The following HPSE2 variants were observed in gnomAD, a reference collection of about 807,000 sequenced individuals.
HPSE2 encodes inactive heparanase-2.
HPSE2 carries 38 observed loss-of-function variants against 60.5 expected under a neutral mutation model. The ratio of observed to expected loss-of-function variants is 0.63; its 90% CI spans 0.48 to 0.82. The LOEUF is 0.82. Ranked by LOEUF, HPSE2 falls within the 40% of genes least tolerant of loss-of-function variation. The pLI, the probability that HPSE2 is intolerant of heterozygous loss-of-function variation, is 0.00. For missense variants in HPSE2, 713 were observed against 740.4 expected (o/e 0.96, Z 0.43); for synonymous variants, 295 against 293.2 (o/e 1.01, Z -0.06).
At chr10:99,186,152 AC>A (rs1354162240) in intron 2 of HPSE2, among the ~76,000 whole-genome samples, 2 of 150,064 alleles carry the variant, frequency 1.3e-5, no homozygotes, top group Non-Finnish European at 3.0e-5. Context: ...ACACACACAC[AC>A]AAGGCATATC....
chr10:98,718,376 C>T (rs1412648652), intron 5 of HPSE2, among the ~76,000 whole-genome samples: 1 of 152,168 alleles, frequency 6.6e-6, no homozygotes, highest in Non-Finnish European at 1.5e-5. Context: ...ACTGGAAAGA[C>T]AGTCCTGTTT....
chr10:99,266,742 C>G, the HPSE2 span, among the ~76,000 whole-genome samples: 2,701 of 152,290 alleles, frequency 0.018, 76 homozygotes, highest in African/African-American at 0.062. Context: ...CTGACAGAGT[C>G]CATTTTACTT....
chr10:99,193,977 T>A (rs987099891), intron 2 of HPSE2, among the ~76,000 whole-genome samples: 4 of 152,062 alleles, frequency 2.6e-5, no homozygotes, highest in African/African-American at 9.7e-5. Context: ...GGAGAATACA[T>A]ATTCTTATCC....
intron 3 of HPSE2, among the ~76,000 whole-genome samples, chr10:99,064,838 C>A (rs997148329): frequency 6.6e-6 from 1 of 151,528 alleles, no homozygotes; most frequent in Non-Finnish European, 1.5e-5. Context: ...AAAGTTGTTT[C>A]AAGCTTCCTA....
At chr10:98,536,403 G>C (rs1004006914) in intron 9 of HPSE2, among the ~76,000 whole-genome samples, 1 of 152,212 alleles carries the variant, frequency 6.6e-6, no homozygotes, top group Non-Finnish European at 1.5e-5. Context: ...GGAAACCATT[G>C]AGGTGATGCT....
At chr10:99,212,615 A>G (rs1172700785) in intron 2 of HPSE2, among the ~76,000 whole-genome samples, 1 of 152,158 alleles carries the variant, frequency 6.6e-6, no homozygotes, top group African/African-American at 2.4e-5. Flanking sequence ...AGAAGCAGAG[A>G]GTAAAATGGT....
intron 3 of HPSE2, among the ~76,000 whole-genome samples, chr10:98,911,374 A>C (rs1241843435): frequency 1.3e-5 from 2 of 152,240 alleles, no homozygotes; most frequent in Admixed American, 1.3e-4. Context: ...GTGTAATGGA[A>C]GTGCAGAGAT....
intron 3 of HPSE2, among the ~76,000 whole-genome samples, chr10:99,012,856 G>T (rs542938577): frequency 6.6e-6 from 1 of 152,232 alleles, no homozygotes; most frequent in Admixed American, 6.5e-5. Flanking sequence ...GTCCTGAGAG[G>T]ATTCATTATG....
chr10:98,888,246 T>C (rs1188419348), intron 3 of HPSE2, among the ~76,000 whole-genome samples: 1 of 151,966 alleles, frequency 6.6e-6, no homozygotes, highest in African/African-American at 2.4e-5. Context: ...TCTTGACATA[T>C]AGTTTCCATA....
chr10:98,683,548 G>A (rs1321182658), intron 6 of HPSE2, among the ~76,000 whole-genome samples: 3 of 151,698 alleles, frequency 2.0e-5, no homozygotes, highest in African/African-American at 7.3e-5. Context: ...GACATTTTGA[G>A]GAATAAAAAA....
chr10:99,005,236 A>T (rs1280697195), intron 3 of HPSE2, among the ~76,000 whole-genome samples: 2 of 141,410 alleles, frequency 1.4e-5, no homozygotes, highest in African/African-American at 5.3e-5. Flanking sequence ...TATTTCTTTC[A>T]GTAAGCTTTT....
chr10:99,258,243 T>G, the HPSE2 span, among the ~76,000 whole-genome samples: 4 of 152,152 alleles, frequency 2.6e-5, no homozygotes, highest in Non-Finnish European at 5.9e-5. Context: ...ATAAACAATG[T>G]CATTTATAAT....
chr10:98,645,846 G>A (rs956177650), intron 6 of HPSE2, among the ~76,000 whole-genome samples: 1 of 152,062 alleles, frequency 6.6e-6, no homozygotes, highest in Non-Finnish European at 1.5e-5. Context: ...GTGGTGGGGG[G>A]CGCCTGTAGT....
At chr10:98,945,820 T>C (rs1248034444) in intron 3 of HPSE2, among the ~76,000 whole-genome samples, 1 of 152,222 alleles carries the variant, frequency 6.6e-6, no homozygotes, top group Non-Finnish European at 1.5e-5. Flanking sequence ...AATTAGATAA[T>C]TCTGATGTCT....
chr10:99,118,818 A>G (rs1844819083), intron 3 of HPSE2, among the ~76,000 whole-genome samples: 1 of 151,968 alleles, frequency 6.6e-6, no homozygotes, highest in African/African-American at 2.4e-5. Flanking sequence ...GGAGTTCAAG[A>G]CCAGCCTGGC....
At chr10:98,813,591 T>C (rs1951216616) in intron 3 of HPSE2, among the ~76,000 whole-genome samples, 1 of 152,136 alleles carries the variant, frequency 6.6e-6, no homozygotes, top group Admixed American at 6.5e-5. Context: ...GAATGTAAAA[T>C]TTAAGGACAG....
At chr10:98,857,665 T>C (rs1008602932) in intron 3 of HPSE2, among the ~76,000 whole-genome samples, 1 of 152,122 alleles carries the variant, frequency 6.6e-6, no homozygotes, top group Non-Finnish European at 1.5e-5. Context: ...AAAATAATTA[T>C]ACTAATAATT....
At chr10:98,969,262 T>C (rs1404897581) in intron 3 of HPSE2, among the ~76,000 whole-genome samples, 1 of 152,178 alleles carries the variant, frequency 6.6e-6, no homozygotes, top group Non-Finnish European at 1.5e-5. Flanking sequence ...TCTTGGCTTA[T>C]GGGAAACTAC....
the HPSE2 span, among the ~76,000 whole-genome samples, chr10:99,306,804 G>A: frequency 6.6e-6 from 1 of 152,148 alleles, no homozygotes; most frequent in Non-Finnish European, 1.5e-5. Context: ...CCACCTCCCA[G>A]GTTCAAGTGA....
Sources: gnomAD v4.1 joint callset for allele counts (sites outside exome capture counted in the v4.1 genomes callset) on GRCh38, gnomAD v4.1.1 for gene constraint, MANE v1.5 for transcripts, NCBI Gene and HGNC (gene_info 2026-07-23, HGNC 2026-07-21) for gene names.